Variants in COL8A1 observed in about 807,000 individuals in gnomAD.
COL8A1 encodes collagen type VIII alpha 1 chain, also known as collagen alpha-1(VIII) chain.
In COL8A1, 21 loss-of-function variants were observed where a neutral mutation model predicts 42.7. That is an observed-to-expected ratio of 0.49 (90% CI 0.35 to 0.71). The LOEUF (loss-of-function observed/expected upper bound fraction) is 0.71, where lower values mean the gene tolerates loss of function less well. Among genes scored for constraint, COL8A1 ranks in the 30% least tolerant of loss-of-function variants. The pLI, the probability that COL8A1 is intolerant of heterozygous loss-of-function variation, is 0.01. For missense variants in COL8A1, 788 were observed against 962.4 expected (o/e 0.82, Z 2.40); for synonymous variants, 367 against 369.1 (o/e 0.99, Z 0.06).
chr3:99,758,219 T>C (rs1167638175), intron 2 of COL8A1, among the ~76,000 whole-genome samples: 1 of 152,174 alleles, frequency 6.6e-6, no homozygotes. Context: ...TCAAGAACTT[T>C]TGGCAAACAT....
chr3:99,761,603 T>C (rs1346624658), intron 2 of COL8A1, among the ~76,000 whole-genome samples: 2 of 152,212 alleles, frequency 1.3e-5, no homozygotes, highest in African/African-American at 4.8e-5. Context: ...CAGGCAGTTG[T>C]GTGTATGTCA....
intron 1 of COL8A1, among the ~76,000 whole-genome samples, chr3:99,692,775 T>C (rs1032772979): frequency 1.3e-5 from 2 of 152,248 alleles, no homozygotes; most frequent in Admixed American, 1.3e-4. Flanking sequence ...AGTCAAGTTG[T>C]AGCCATTGTA....
At position 99,761,245 on chromosome 3, in the gene COL8A1, A is replaced by C. The variant is rs369902307; in HGVS notation, c.-4+16224A>C. On this transcript the variant is annotated intron_variant, in intron 2 of 3. Transcript: ENST00000652472. ...TCTTAAAATACTATACTGATTTTGA[A>C]GGAGCTCCAAAACACTTACCATCTA... Among the ~76,000 whole-genome samples, 5 of 152,336 alleles carry C rather than the reference A, an allele frequency of 3.3e-5. No homozygotes were observed. In the East Asian group the frequency reaches 7.7e-4, roughly 23 times the overall value.
chr3:99,734,450 A>T (rs1940633160), intron 1 of COL8A1, among the ~76,000 whole-genome samples: 1 of 150,594 alleles, frequency 6.6e-6, no homozygotes. Context: ...GTCAAAGATC[A>T]GATAGTTGTA....
chr3:99,688,003 A>G (rs2107330828), intron 1 of COL8A1, among the ~76,000 whole-genome samples: 1 of 152,334 alleles, frequency 6.6e-6, no homozygotes, highest in Middle Eastern at 3.4e-3. Context: ...CTTCACCCGT[A>G]TGATCATCAA....
chr3:99,697,292 T>C (rs1939408378), intron 1 of COL8A1, among the ~76,000 whole-genome samples: 1 of 152,198 alleles, frequency 6.6e-6, no homozygotes, highest in African/African-American at 2.4e-5. Context: ...GGCACAAAAT[T>C]TAAAATAACA....
At chr3:99,672,337 T>C (rs1173071166) in intron 1 of COL8A1, among the ~76,000 whole-genome samples, 1 of 152,018 alleles carries the variant, frequency 6.6e-6, no homozygotes, top group Non-Finnish European at 1.5e-5. Context: ...GGTACTTCCA[T>C]GTCAATTGGA....
rs6785776 is a variant in COL8A1 at position 99,703,114 on chromosome 3, G to T, written c.-128-41783G>T. Among the ~76,000 whole-genome samples the T allele has an allele frequency of 4.3e-3, 654 of 152,282 alleles. 2 individuals carry two copies. Among genetic ancestry groups the T allele is most frequent in the Non-Finnish European group, 7.4e-3 (506 of 68,010 alleles). ...CCTCATAATGCATCAGCAAGACCTT[G>T]GTTTTCACACTAATGAAGATAAGGA... On this transcript the variant is annotated intron_variant, in intron 1 of 3. Coordinates refer to ENST00000652472, the MANE Select transcript of COL8A1 (RefSeq NM_020351.4).
At chr3:99,685,798 A>G (rs903121609) in intron 1 of COL8A1, among the ~76,000 whole-genome samples, 8 of 152,206 alleles carry the variant, frequency 5.3e-5, no homozygotes, top group African/African-American at 9.7e-5. Context: ...GTGCTAGTTT[A>G]TTTACCATGG....
chr3:99,778,067 T>C (rs1941727722), intron 2 of COL8A1, among the ~76,000 whole-genome samples: 1 of 152,098 alleles, frequency 6.6e-6, no homozygotes, highest in Admixed American at 6.6e-5. Flanking sequence ...AAAAGAATTG[T>C]GGAACTTTGC....
chr3:99,640,040 T>G (rs1221271041), intron 1 of COL8A1, among the ~76,000 whole-genome samples: 1 of 152,206 alleles, frequency 6.6e-6, no homozygotes, highest in Non-Finnish European at 1.5e-5. Context: ...CCTTAGCTTT[T>G]GCATATCAAA....
intron 2 of COL8A1, among the ~76,000 whole-genome samples, chr3:99,770,559 G>A (rs899745282): frequency 2.0e-5 from 3 of 152,146 alleles, no homozygotes; most frequent in Non-Finnish European, 2.9e-5. Context: ...CCAGTGAATT[G>A]GGTTTCCTGA....
At chr3:99,726,192 T>C (rs1353447507) in intron 1 of COL8A1, among the ~76,000 whole-genome samples, 2 of 152,242 alleles carry the variant, frequency 1.3e-5, no homozygotes, top group Non-Finnish European at 2.9e-5. Context: ...TTCATGTGTT[T>C]TTTGGCTGCA....
chr3:99,732,501 TATA>T (rs1007684115), intron 1 of COL8A1, among the ~76,000 whole-genome samples: 21 of 152,044 alleles, frequency 1.4e-4, no homozygotes, highest in African/African-American at 4.6e-4. Context: ...AAAAGGCCCT[TATA>T]AAACCATCAG....
intron 1 of COL8A1, among the ~76,000 whole-genome samples, chr3:99,683,841 G>A (rs1304628010): frequency 2.0e-5 from 3 of 152,058 alleles, no homozygotes; most frequent in African/African-American, 7.2e-5. Context: ...TTTTACCTAA[G>A]TGCATGCTTT....
chr3:99,737,257 T>G (rs892602942), intron 1 of COL8A1, among the ~76,000 whole-genome samples: 1 of 152,166 alleles, frequency 6.6e-6, no homozygotes, highest in Non-Finnish European at 1.5e-5. Context: ...TATGTGAATT[T>G]GATCCTGTCA....
At chr3:99,741,575 T>C (rs968683637) in intron 1 of COL8A1, among the ~76,000 whole-genome samples, 7 of 152,202 alleles carry the variant, frequency 4.6e-5, no homozygotes, top group South Asian at 2.1e-4. Context: ...AACTGGTTAA[T>C]TGAAGAGCCC....
chr3:99,786,706 C>A (rs890797774), intron 2 of COL8A1, among the ~76,000 whole-genome samples: 5 of 152,148 alleles, frequency 3.3e-5, no homozygotes, highest in Admixed American at 6.5e-5. Flanking sequence ...TAAGATAATA[C>A]CTCCACTCTC....
intron 1 of COL8A1, among the ~76,000 whole-genome samples, chr3:99,702,818 G>A (rs1234370095): frequency 6.6e-6 from 1 of 152,196 alleles, no homozygotes; most frequent in African/African-American, 2.4e-5. Context: ...AAGTGCTGTG[G>A]AGAAAAATAT....
Sources: allele counts gnomAD v4.1 joint callset (sites outside exome capture counted in the v4.1 genomes callset), GRCh38; gene constraint gnomAD v4.1.1; transcripts MANE v1.5; gene names NCBI Gene and HGNC (gene_info 2026-07-23, HGNC 2026-07-21).